CACNA1B: variants seen among roughly 807,000 people sequenced by gnomAD.
CACNA1B encodes the protein calcium voltage-gated channel subunit alpha1 B.
CACNA1B carries 70 observed loss-of-function variants against 247.2 expected under a neutral mutation model. The ratio of observed to expected loss-of-function variants is 0.28; its 90% CI spans 0.23 to 0.35. The LOEUF (loss-of-function observed/expected upper bound fraction) is 0.35, where lower values mean the gene tolerates loss of function less well. Among genes scored for constraint, CACNA1B ranks in the 10% least tolerant of loss-of-function variants. The pLI is 1.00. For missense variants in CACNA1B, 2,367 were observed against 3,197.4 expected (o/e 0.74, Z 6.26); for synonymous variants, 1,231 against 1,294.4 (o/e 0.95, Z 1.05).
rs1957936302 is a variant in CACNA1B at position 137,955,540 on chromosome 9, G to C, written c.1071-158G>C. On this transcript the variant is annotated intron_variant, in intron 7 of 46. Transcript: ENST00000371372. The surrounding 1 kb of genome is among the most constrained non-coding windows in gnomAD (Gnocchi z 6.9). ...CTGGAGTGCTCATCTGGAGTGCTCA[G>C]GTTAGAAGAGGCCTGGGTGGCAGGG... Among the ~76,000 whole-genome samples the C allele has an allele frequency of 6.6e-6, 1 of 152,226 alleles. No homozygotes were observed. Among genetic ancestry groups the C allele is most frequent in the Non-Finnish European group, 1.5e-5 (1 of 68,040 alleles).
chr9:138,064,505 A>G (rs560952330), intron 31 of CACNA1B, among the ~76,000 whole-genome samples: 3 of 152,282 alleles, frequency 2.0e-5, no homozygotes, highest in Admixed American at 6.5e-5. Context: ...TTTGAATTCT[A>G]TATTTACATA....
rs548681756 is a variant in CACNA1B at position 138,015,935 on chromosome 9, TACTC to T, written c.2267+2703_2267+2706del. 7.9e-5 allele frequency among the ~76,000 whole-genome samples: 12 copies of T among 151,662 alleles called. No homozygotes were observed. In the South Asian group the frequency reaches 1.5e-3, roughly 18 times the overall value. Reference sequence around the variant, plus strand: ...ACACTGACACTCACACACACACACATACTCACAAATACATATAGGCAAGCACACA... The same window carrying T: ...ACACTGACACTCACACACACACACATACAAATACATATAGGCAAGCACACA... On this transcript the variant is annotated intron_variant, in intron 18 of 46. Coordinates refer to ENST00000371372, the MANE Select transcript of CACNA1B (RefSeq NM_000718.4).
At chr9:138,046,245 T>A (rs1038563450) in intron 21 of CACNA1B, among the ~76,000 whole-genome samples, 6 of 152,252 alleles carry the variant, frequency 3.9e-5, no homozygotes, top group Admixed American at 3.3e-4. Context: ...AGGTGCTCAG[T>A]AATGTTGAAC....
intron 36 of CACNA1B, among the ~76,000 whole-genome samples, chr9:138,095,526 A>G (rs1207454703): frequency 1.3e-5 from 2 of 152,224 alleles, no homozygotes; most frequent in East Asian, 3.8e-4. Context: ...TAGGAATGTA[A>G]AATGCACCAG....
chr9:137,960,421 TCAGCCTGAGAGACGGAG>T (rs1958004781), intron 10 of CACNA1B, among the ~76,000 whole-genome samples: 1 of 12,034 alleles, frequency 8.3e-5, no homozygotes, highest in Non-Finnish European at 1.7e-4. Flanking sequence ...GGAGGGGAGG[TCAGCCTGAGAGACGGAG>T]GGGGAGGGGA....
chr9:138,013,122 C>A lies in CACNA1B; in HGVS notation c.2161-7C>A. ...GGGGAACTGGACATTTCTCTTTGCTCAAACAGGATGAAGAGGAGATGGAAG... is the reference window on the plus strand; with the variant it reads ...GGGGAACTGGACATTTCTCTTTGCTAAAACAGGATGAAGAGGAGATGGAAG... On this transcript the variant is annotated splice_polypyrimidine_tract_variant and splice_region_variant and intron_variant, in intron 17 of 46. Coordinates refer to ENST00000371372, the MANE Select transcript of CACNA1B (RefSeq NM_000718.4). The A allele has an allele frequency of 6.2e-7, 1 of 1,609,128 alleles. No individual in the cohort carries two copies. The highest frequency in any genetic ancestry group is 1.1e-5 in the South Asian group (1 of 90,902).
At chr9:137,904,355 T>C (rs1330243897) in intron 3 of CACNA1B, among the ~76,000 whole-genome samples, 176 of 128,570 alleles carry the variant, frequency 1.4e-3, no homozygotes, top group African/African-American at 5.0e-3. Context: ...TCTCTCTCTT[T>C]TTTTTTTTTT....
In CACNA1B at chr9:138,007,784, T is replaced by A. The variant is rs917858128; in HGVS notation, c.2092+900T>A. ...CAGGGCCCCGAGGAGCTGGAGACAA[T>A]GTCTCACAGTCGACCTCCCGGCTCT... On this transcript the variant is annotated intron_variant, in intron 16 of 46. Transcript: ENST00000371372. The surrounding 1 kb of genome is among the most constrained non-coding windows in gnomAD (Gnocchi z 4.1). Among the ~76,000 whole-genome samples the A allele has an allele frequency of 6.6e-6, 1 of 152,124 alleles. No homozygotes were observed. The highest frequency in any genetic ancestry group is 6.5e-5 in the Admixed American group (1 of 15,274).
chr9:137,904,257 C>T (rs1957271666), intron 3 of CACNA1B, among the ~76,000 whole-genome samples: 1 of 152,064 alleles, frequency 6.6e-6, no homozygotes, highest in South Asian at 2.1e-4. Context: ...GTGCTGGGCC[C>T]TGCCCTCTGA....
intron 15 of CACNA1B, among the ~76,000 whole-genome samples, chr9:137,998,485 G>T (rs191982626): frequency 1.3e-5 from 2 of 152,262 alleles, no homozygotes; most frequent in Admixed American, 1.3e-4. Flanking sequence ...CTGGTGCTGA[G>T]GTGGGAGAAT....
rs930983254 is a variant in CACNA1B, at chr9:137,917,813, ACTC to A, written c.966+386_966+388del. On this transcript the variant is annotated intron_variant, in intron 6 of 46. Transcript: ENST00000371372. The surrounding 1 kb of genome is among the most constrained non-coding windows in gnomAD (Gnocchi z 5.5). The stretch of plus-strand genomic sequence containing the variant: ...TCTGGGAAGTGTTTTATTCCTGTTG[ACTC>A]CTCTCAGGAACCTGTTGCACAGATG... Among the ~76,000 whole-genome samples the A allele has an allele frequency of 6.6e-6, 1 of 152,056 alleles. No homozygotes were observed. The highest frequency in any genetic ancestry group is 1.5e-5 in the Non-Finnish European group (1 of 67,996).
Position 138,007,225 on chromosome 9 carries a change from T to C in CACNA1B, c.2092+341T>C, listed in dbSNP as rs1256325403. On this transcript the variant is annotated intron_variant, in intron 16 of 46. Transcript: ENST00000371372. The surrounding 1 kb of genome is among the most constrained non-coding windows in gnomAD (Gnocchi z 4.1). ...TTGTTTTCACTTTGATTTAATTGTG[T>C]ACTTAGGTTTTGGCACTGGGCTTTA... 1.3e-5 allele frequency among the ~76,000 whole-genome samples: 2 copies of C among 152,180 alleles called. No individual in the cohort carries two copies. Among genetic ancestry groups the C allele is most frequent in the African/African-American group, 4.8e-5 (2 of 41,436 alleles).
rs780385241 is a variant in CACNA1B at position 138,120,746 on chromosome 9, A to G, written c.6354A>G (p.Ser2118=). Residue 2118 remains serine, a synonymous_variant, in exon 46 of 47, where the codon TCA becomes TCG. Coordinates refer to ENST00000371372, the MANE Select transcript of CACNA1B (RefSeq NM_000718.4). ...RGRSQERRQP[S]SSSSEKQRFY... ...GGTCCCAGGAGCGGAGGCAGCCCTC[A>G]TCCTCCTCCTCGGAGAAGCAGCGCT... 1.3e-6 allele frequency: 2 copies of G among 1,547,378 alleles called. No individual in the cohort carries two copies. The highest frequency in any genetic ancestry group is 4.9e-5 in the East Asian group (2 of 41,060).
intron 36 of CACNA1B, among the ~76,000 whole-genome samples, chr9:138,079,703 A>G (rs1298583184): frequency 7.2e-6 from 1 of 139,240 alleles, no homozygotes; most frequent in Non-Finnish European, 1.5e-5. Flanking sequence ...AGATCGCGCC[A>G]TTGTACTCCA....
rs148486850 is a variant in CACNA1B at position 137,980,262 on chromosome 9, C to CA, written c.1657-3875dup. Among the ~76,000 whole-genome samples, 898 of 152,330 alleles carry CA rather than the reference C, an allele frequency of 5.9e-3. 30 individuals carry two copies. In the East Asian group the frequency reaches 0.1, roughly 17 times the overall value. ...TATTATTAGAAAAAAGCTCTACCCA[C>CA]ACCTATTAGGCCTTAGACCTTTTCT... is the stretch of plus-strand genomic sequence containing the variant. On this transcript the variant is annotated intron_variant, in intron 12 of 46. Transcript: ENST00000371372.
At position 137,914,950 on chromosome 9, in the gene CACNA1B, G is replaced by A. The variant is rs182158840; in HGVS notation, c.775+144G>A. The A allele has an allele frequency of 1.2e-5, 9 of 751,348 alleles. No individual in the cohort carries two copies. Among genetic ancestry groups the A allele is most frequent in the African/African-American group, 1.1e-4 (6 of 56,548 alleles). The allele number at this position is 751,348 out of a possible 1,614,324, so 46.5% of individuals were successfully genotyped here. A position where few individuals can be genotyped will look rare whatever the true frequency, so the allele number is the denominator to read the frequency against. On this transcript the variant is annotated intron_variant, in intron 5 of 46. Coordinates refer to ENST00000371372, the MANE Select transcript of CACNA1B (RefSeq NM_000718.4). This position sits in a 1 kb window ranked among gnomAD's most constrained non-coding sequence, Gnocchi z 4.3. Reference sequence around the variant, plus strand: ...TGACATTCTAGTGGGGGACATAGACGATAGCCTGATAAACACAAGTAAATA... The same window carrying A: ...TGACATTCTAGTGGGGGACATAGACAATAGCCTGATAAACACAAGTAAATA...
chr9:138,100,183 G>T lies in CACNA1B; in HGVS notation c.5223-2528G>T, dbSNP rs1489541539. Among the ~76,000 whole-genome samples the T allele has an allele frequency of 1.3e-5, 2 of 152,266 alleles. No individual in the cohort carries two copies. The highest frequency in any genetic ancestry group is 2.9e-5 in the Non-Finnish European group (2 of 68,046). ...TGGATTGAGCTGGGGATGGGAGGTGGGGCAGAGGGAAGAGGGAGGCCAGGT... is the reference window on the plus strand; with the variant it reads ...TGGATTGAGCTGGGGATGGGAGGTGTGGCAGAGGGAAGAGGGAGGCCAGGT... On this transcript the variant is annotated intron_variant, in intron 37 of 46. Transcript: ENST00000371372. This position sits in a 1 kb window ranked among gnomAD's most constrained non-coding sequence, Gnocchi z 4.6.
At chr9:138,015,601 C>T (rs753296303) in intron 18 of CACNA1B, among the ~76,000 whole-genome samples, 6 of 152,210 alleles carry the variant, frequency 3.9e-5, no homozygotes, top group Non-Finnish European at 8.8e-5. Flanking sequence ...GCGTGGCCTG[C>T]GGAGCGGGGC....
Position 137,984,971 on chromosome 9 carries a change from G to A in CACNA1B, c.1769+721G>A, listed in dbSNP as rs183220316. 5.8e-3 allele frequency among the ~76,000 whole-genome samples: 878 copies of A among 152,242 alleles called. 10 individuals are homozygous for A. Among genetic ancestry groups the A allele is most frequent in the Non-Finnish European group, 8.2e-3 (558 of 68,008 alleles). ...AGACTCTCCTCACAGCAGTCTCATC[G>A]GCAGCAAAGGCTGCACCGCGGAGGC... On this transcript the variant is annotated intron_variant, in intron 13 of 46. Coordinates refer to ENST00000371372, the MANE Select transcript of CACNA1B (RefSeq NM_000718.4).
Sources: gnomAD v4.1 joint callset for allele counts (sites outside exome capture counted in the v4.1 genomes callset) on GRCh38, gnomAD v4.1.1 for gene constraint, Gnocchi (gnomAD v3.1) non-coding constraint, MANE v1.5 for transcripts, NCBI Gene and HGNC (gene_info 2026-07-23, HGNC 2026-07-21) for gene names.